RORA: variants seen among roughly 807,000 people sequenced by gnomAD.
The protein encoded by RORA is nuclear receptor ROR-alpha.
RORA carries 7 observed loss-of-function variants against 69.5 expected under a neutral mutation model. The observed-to-expected ratio is 0.10, with a 90% CI of 0.06 to 0.19. RORA has a LOEUF of 0.19. Among genes scored for constraint, RORA ranks in the 10% least tolerant of loss-of-function variants. The probability of loss-of-function intolerance (pLI) is 1.00; values close to 1 mark genes in which losing one functional copy is unlikely to be tolerated. For synonymous variants in RORA, 261 were observed against 240.8 expected (o/e 1.08, Z -0.78); for missense variants, 457 against 663.0 (o/e 0.69, Z 3.41).
chr15:60,878,775 A>T (rs1595786545), intron 1 of RORA, among the ~76,000 whole-genome samples: 1 of 152,234 alleles, frequency 6.6e-6, no homozygotes, highest in Non-Finnish European at 1.5e-5. Flanking sequence ...AGATGAAGTA[A>T]ATTATGTCTG....
chr15:60,713,567 C>G (rs2071175026), intron 1 of RORA, among the ~76,000 whole-genome samples: 1 of 152,156 alleles, frequency 6.6e-6, no homozygotes, highest in Admixed American at 6.5e-5. Flanking sequence ...ATTCCACTCT[C>G]CTCACTTTTC....
At position 60,505,568 on chromosome 15, in the gene RORA, C is replaced by G. The variant is rs781088341; in HGVS notation, c.882G>C (p.Glu294Asp). ...HLETCQYLRE[E>D]LQQITWQTFL... ...AGGTCTGCCACGTTATCTGCTGGAG[C>G]TCTTCTCTCAAGTATTGGCAGGTTT... Residue 294 changes from glutamate (E) to aspartate (D), a missense_variant, in exon 6 of 11, where the codon GAG becomes GAC. Coordinates refer to ENST00000335670, the MANE Select transcript of RORA (RefSeq NM_134261.3). 3.7e-6 allele frequency: 6 copies of G among 1,613,738 alleles called. No homozygotes were observed. The highest frequency in any genetic ancestry group is 5.1e-6 in the Non-Finnish European group (6 of 1,179,758).
intron 5 of RORA, among the ~76,000 whole-genome samples, chr15:60,507,248 G>A (rs2065536444): frequency 6.6e-6 from 1 of 152,160 alleles, no homozygotes; most frequent in South Asian, 2.1e-4. Flanking sequence ...CTAGGGTTTT[G>A]AGTATAGAAT....
At position 60,525,244 on chromosome 15, in the gene RORA, A is replaced by G. The variant is rs116529812; in HGVS notation, c.282+6522T>C. 5.6e-3 allele frequency among the ~76,000 whole-genome samples: 859 copies of G among 152,258 alleles called. 11 individuals carry two copies. Among genetic ancestry groups the G allele is most frequent in the African/African-American group, 0.02 (825 of 41,528 alleles). On this transcript the variant is annotated intron_variant, in intron 3 of 10. Transcript: ENST00000335670. ...TGTCAGATAAATTTTAAAAGCCTGG[A>G]AATATGCCTGGCACTTCCTACTGGA...
chr15:60,641,961 C>T (rs1342060081), intron 2 of RORA, among the ~76,000 whole-genome samples: 2 of 152,164 alleles, frequency 1.3e-5, no homozygotes, highest in African/African-American at 2.4e-5. Flanking sequence ...CTTTAAGTAG[C>T]ATTGCGATTC....
chr15:60,611,559 CAA>C (rs533598270), intron 2 of RORA, among the ~76,000 whole-genome samples: 16 of 35,806 alleles, frequency 4.5e-4, no homozygotes, highest in South Asian at 2.0e-3. Context: ...TTGAGTTTTG[CAA>C]AAAAAAAAAA....
intron 1 of RORA, among the ~76,000 whole-genome samples, chr15:61,014,906 GGTTT>G (rs1895227475): frequency 6.6e-6 from 1 of 151,908 alleles, no homozygotes; most frequent in African/African-American, 2.4e-5. Flanking sequence ...GCCTTACCAA[GGTTT>G]GTTTTGAGAG....
At position 60,592,275 on chromosome 15, in the gene RORA, C is replaced by G. The variant is rs1378935826; in HGVS notation, c.197-60424G>C. ...CCTGGCAGGGCCCCCGCGCCGAGCC[C>G]CGGGCAGTACGTGCGTTCGGGCAGG... On this transcript the variant is annotated intron_variant, in intron 2 of 10. Coordinates refer to ENST00000335670, the MANE Select transcript of RORA (RefSeq NM_134261.3). 5 of 746,352 alleles carry G rather than the reference C, an allele frequency of 6.7e-6. No homozygotes were observed. In the Admixed American group the frequency reaches 1.9e-4, roughly 28 times the overall value. The allele number at this position is 746,352 out of a possible 1,614,324, so 46.2% of individuals were successfully genotyped here.
intron 2 of RORA, among the ~76,000 whole-genome samples, chr15:60,624,208 C>CCTTT (rs2140632658): frequency 6.6e-6 from 1 of 151,632 alleles, no homozygotes; most frequent in East Asian, 1.9e-4. Context: ...ATTTTTTCCA[C>CCTTT]CTTTCCTTCC....
chr15:60,754,805 G>A (rs912461456), intron 1 of RORA, among the ~76,000 whole-genome samples: 1 of 152,120 alleles, frequency 6.6e-6, no homozygotes, highest in African/African-American at 2.4e-5. Context: ...CCAGTTGGTG[G>A]CAAAGCTGGA....
At chr15:61,168,380 C>A (rs937218958) in intron 1 of RORA, among the ~76,000 whole-genome samples, 1 of 151,824 alleles carries the variant, frequency 6.6e-6, no homozygotes. Flanking sequence ...AGGTATGCAC[C>A]ACCATGCCCA....
intron 1 of RORA, among the ~76,000 whole-genome samples, chr15:61,049,862 T>C (rs1193499879): frequency 6.6e-6 from 1 of 152,136 alleles, no homozygotes; most frequent in Non-Finnish European, 1.5e-5. Context: ...GGTTTCACTG[T>C]GTTAGCCAGA....
At chr15:60,635,571 T>C (rs1380266710) in intron 2 of RORA, among the ~76,000 whole-genome samples, 3 of 152,212 alleles carry the variant, frequency 2.0e-5, no homozygotes, top group Admixed American at 2.0e-4. Context: ...TTGACTCTAT[T>C]GATTAAAATA....
rs551662460 is a variant in RORA at position 60,986,102 on chromosome 15, T to A, written c.166+242951A>T. Among the ~76,000 whole-genome samples, 9 of 152,176 alleles carry A rather than the reference T, an allele frequency of 5.9e-5. No homozygotes were observed. The South Asian group carries it at 1.9e-3, about 32-fold the overall frequency. Reference sequence around the variant, plus strand: ...TGGGACTAGAATATAGGACCCTGGATTGAGAGTAAAGGTAGTACAGTCAAC... The same window carrying A: ...TGGGACTAGAATATAGGACCCTGGAATGAGAGTAAAGGTAGTACAGTCAAC... On this transcript the variant is annotated intron_variant, in intron 1 of 10. Coordinates refer to ENST00000335670, the MANE Select transcript of RORA (RefSeq NM_134261.3).
rs930013499 is a variant in RORA, at chr15:60,758,471, A to C, written c.167-79785T>G. ...TGCCATCAGTTCCGGTGATTTATTT[A>C]CACCTAGGATGTCATTCTAGGACAT... On this transcript the variant is annotated intron_variant, in intron 1 of 10. Coordinates refer to ENST00000335670, the MANE Select transcript of RORA (RefSeq NM_134261.3). Among the ~76,000 whole-genome samples the C allele has an allele frequency of 3.3e-5, 5 of 152,086 alleles. No homozygotes were observed. In the South Asian group the frequency reaches 1.0e-3, roughly 32 times the overall value.
chr15:60,876,500 A>G (rs1194630468), intron 1 of RORA, among the ~76,000 whole-genome samples: 1 of 152,208 alleles, frequency 6.6e-6, no homozygotes, highest in Non-Finnish European at 1.5e-5. Context: ...ACTGATGCCC[A>G]TACACATCAA....
chr15:61,020,686 A>G (rs1338540464), intron 1 of RORA, among the ~76,000 whole-genome samples: 2 of 152,216 alleles, frequency 1.3e-5, no homozygotes, highest in South Asian at 4.1e-4. Flanking sequence ...TTGGTGCACT[A>G]TTAGATTTTG....
intron 1 of RORA, among the ~76,000 whole-genome samples, chr15:60,919,959 T>C (rs895144615): frequency 1.2e-4 from 19 of 152,150 alleles, no homozygotes; most frequent in African/African-American, 3.6e-4. Context: ...TAAAATCTTA[T>C]AGAACGTACA....
chr15:61,103,046 A>G (rs2078902775), intron 1 of RORA, among the ~76,000 whole-genome samples: 3 of 152,248 alleles, frequency 2.0e-5, no homozygotes, highest in Admixed American at 1.3e-4. Context: ...TGTTTAATAA[A>G]TGTCTTTATT....
Sources: allele counts gnomAD v4.1 joint callset (sites outside exome capture counted in the v4.1 genomes callset), GRCh38; gene constraint gnomAD v4.1.1; transcripts MANE v1.5; gene names NCBI Gene and HGNC (gene_info 2026-07-23, HGNC 2026-07-21).